Variants in SFSWAP observed in about 807,000 individuals in gnomAD.
The protein encoded by SFSWAP is splicing factor, suppressor of white-apricot homolog.
In SFSWAP, 17 loss-of-function variants were observed where a neutral mutation model predicts 100.7. The ratio of observed to expected loss-of-function variants is 0.17; its 90% CI spans 0.12 to 0.25. The LOEUF is 0.25. Ranked by LOEUF, SFSWAP falls within the 10% of genes least tolerant of loss-of-function variation. The pLI is 1.00. For missense variants in SFSWAP, 1,005 were observed against 1,262.6 expected (o/e 0.80, Z 3.09); for synonymous variants, 504 against 510.1 (o/e 0.99, Z 0.16).
chr12:131,781,775 G>A (rs1884525939), intron 14 of SFSWAP, among the ~76,000 whole-genome samples: 1 of 152,178 alleles, frequency 6.6e-6, no homozygotes, highest in South Asian at 2.1e-4. Flanking sequence ...CAAGGAGGTA[G>A]TATCTACATA....
chr12:131,715,881 AAAG>A (rs1877865536), intron 3 of SFSWAP, among the ~76,000 whole-genome samples: 1 of 152,226 alleles, frequency 6.6e-6, no homozygotes, highest in South Asian at 2.1e-4. Context: ...TAATTTAAAA[AAAG>A]AGATGGGGTC....
chr12:131,760,060 AACC>A (rs1882525911), intron 11 of SFSWAP, among the ~76,000 whole-genome samples: 1 of 152,198 alleles, frequency 6.6e-6, no homozygotes, highest in Admixed American at 6.6e-5. Context: ...CATATTTGAC[AACC>A]ATAATTCCAT....
At chr12:131,726,839 G>A in intron 5 of SFSWAP, 101 bp from the exon 6 acceptor site, 2 of 757,112 alleles carry the variant, frequency 2.6e-6, no homozygotes, top group South Asian at 3.1e-5. Context: ...TTTTTCGACA[G>A]ATAACCAAGA....
intron 15 of SFSWAP, among the ~76,000 whole-genome samples, chr12:131,793,879 G>A (rs1487985439): frequency 6.6e-6 from 1 of 152,084 alleles, no homozygotes. Flanking sequence ...CTAGACGGGG[G>A]TCACCCGTCC....
At chr12:131,764,065 G>T (rs1177978727) in intron 11 of SFSWAP, among the ~76,000 whole-genome samples, 2 of 152,224 alleles carry the variant, frequency 1.3e-5, no homozygotes, top group Non-Finnish European at 2.9e-5. Context: ...GGCAGAGGTT[G>T]CAGTGAGCCG....
In SFSWAP at chr12:131,714,693, A is replaced by C. The variant is rs1259139380; in HGVS notation, c.389-129A>C. The C allele has an allele frequency of 1.2e-6, 1 of 806,746 alleles. No individual in the cohort carries two copies. Among genetic ancestry groups the C allele is most frequent in the Non-Finnish European group, 1.9e-6 (1 of 515,142 alleles). The allele number at this position is 806,746 out of a possible 1,614,324, so 50.0% of individuals were successfully genotyped here. On this transcript the variant is annotated intron_variant, in intron 2 of 17. Transcript: ENST00000261674. The surrounding 1 kb of genome is among the most constrained non-coding windows in gnomAD (Gnocchi z 6.0). ...ATATAAAGTGTGAATTTTTAAAACT[A>C]TTTTACCTCAAAAGTAGGTTGAAAA...
At chr12:131,719,652 T>G in intron 4 of SFSWAP, 113 bp downstream of exon 4, 1 of 807,170 alleles carries the variant, frequency 1.2e-6, no homozygotes, top group Non-Finnish European at 2.1e-6. Context: ...TATAATGCTT[T>G]AAAATGGTTT....
chr12:131,723,817 G>A (rs1239466980), intron 4 of SFSWAP, among the ~76,000 whole-genome samples: 1 of 152,242 alleles, frequency 6.6e-6, no homozygotes, highest in Non-Finnish European at 1.5e-5. Context: ...GGAAGGGGAG[G>A]AGGTGTTAGC....
At chr12:131,788,198 G>T (rs1008342481) in intron 15 of SFSWAP, among the ~76,000 whole-genome samples, 1 of 152,344 alleles carries the variant, frequency 6.6e-6, no homozygotes, top group East Asian at 1.9e-4. Flanking sequence ...AGTAGTGATT[G>T]TATCTGGAAG....
Position 131,753,291 on chromosome 12 carries a change from G to T in SFSWAP, c.1250G>T (p.Gly417Val). 1 of 1,612,964 alleles carries T rather than the reference G, an allele frequency of 6.2e-7. No homozygotes were observed. Among genetic ancestry groups the T allele is most frequent in the Non-Finnish European group, 8.5e-7 (1 of 1,179,068 alleles). ...GVTTTAPPPPGTTPLPPPTTA... is the reference protein window; with the variant it reads ...GVTTTAPPPPVTTPLPPPTTA... ...ACGACCACCGCCCCACCACCTCCTG[G>T]GACCACACCACTACCGCCCCCAACC... The change falls in exon 8 of 18, where the codon GGG becomes GTG. Residue 417 changes from glycine to valine, a missense_variant. Coordinates refer to ENST00000261674, the MANE Select transcript of SFSWAP (RefSeq NM_004592.4).
At position 131,756,609 on chromosome 12, in the gene SFSWAP, C is replaced by T. The variant is rs780190296; in HGVS notation, c.1685C>T (p.Ser562Phe). The T allele has an allele frequency of 5.5e-5, 89 of 1,610,432 alleles. No individual in the cohort carries two copies. The highest frequency in any genetic ancestry group is 7.1e-5 in the Non-Finnish European group (84 of 1,178,632). Residue 562 changes from serine to phenylalanine, a missense_variant, in exon 11 of 18, where the codon TCC becomes TTC. Ser to Phe is a radical substitution (Grantham distance 155). This residue lies in a region of SFSWAP where 311 missense variants were observed against 317.8 expected (regional missense o/e 0.98). Transcript: ENST00000261674. ...TCAGGCGGGAAGAAGGAGGCATCGT[C>T]CAGTAAGACCGTCCCGGACGGGAAG... ...AGSGGKKEAS[S>F]SKTVPDGKLV...
At chr12:131,763,203 G>T (rs1309186649) in intron 11 of SFSWAP, among the ~76,000 whole-genome samples, 3 of 152,110 alleles carry the variant, frequency 2.0e-5, no homozygotes, top group Non-Finnish European at 4.4e-5. Flanking sequence ...AAGGACCTCC[G>T]CCAGGGGCCA....
chr12:131,711,563 G>A lies in SFSWAP; in HGVS notation c.218+116G>A. ...TTTTCTGGAGCCAGCGGGGATCTGG[G>A]GGACACCCCCTCCCCTGTCCCCACC... On this transcript the variant is annotated intron_variant, in intron 1 of 17. Transcript: ENST00000261674. The surrounding 1 kb of genome is among the most constrained non-coding windows in gnomAD (Gnocchi z 4.9). The A allele has an allele frequency of 2.3e-6, 2 of 855,660 alleles. No homozygotes were observed. Among genetic ancestry groups the A allele is most frequent in the Non-Finnish European group, 3.7e-6 (2 of 543,350 alleles). 53.0% of individuals were successfully genotyped at this position (855,660 alleles called of 1,614,324 possible).
chr12:131,783,822 A>ATATATATATATAT (rs1491403303), intron 14 of SFSWAP: 89 of 125,152 alleles, frequency 7.1e-4, no homozygotes, highest in Admixed American at 1.2e-3. Flanking sequence ...ATATATATAT[A>ATATATATATATAT]ATTCTTTGTA....
At chr12:131,739,834 C>G in intron 7 of SFSWAP, among the ~76,000 whole-genome samples, 1 of 152,096 alleles carries the variant, frequency 6.6e-6, no homozygotes, top group East Asian at 1.9e-4. Flanking sequence ...TGAGCCACTG[C>G]GCCCAGCCCC....
rs776896700 is a variant in SFSWAP, at chr12:131,714,275, C to T, written c.388+35C>T. On this transcript the variant is annotated intron_variant, in intron 2 of 17. Transcript: ENST00000261674. This position sits in a 1 kb window ranked among gnomAD's most constrained non-coding sequence, Gnocchi z 6.0. ...AAGACAAACTTACTTCAGCAACAAA[C>T]TTTTTAAAATTTTTAAGTATTTAAA... is the stretch of plus-strand genomic sequence containing the variant. The T allele has an allele frequency of 2.6e-6, 4 of 1,540,676 alleles. No homozygotes were observed. The highest frequency in any genetic ancestry group is 3.5e-6 in the Non-Finnish European group (4 of 1,141,746).
intron 3 of SFSWAP, among the ~76,000 whole-genome samples, chr12:131,716,443 G>C (rs921437072): frequency 5.9e-5 from 9 of 152,168 alleles, no homozygotes; most frequent in African/African-American, 2.2e-4. Context: ...TCGGGTTCTG[G>C]ATAGTTCTGA....
intron 7 of SFSWAP, 152 bp downstream of exon 7, chr12:131,728,580 C>A: frequency 1.3e-6 from 1 of 789,450 alleles, no homozygotes; most frequent in Non-Finnish European, 2.0e-6. Context: ...AGGGAGAGTG[C>A]CACGAGGCTG....
rs969898611 is a variant in SFSWAP at position 131,756,730 on chromosome 12, C to T, written c.1720+86C>T. Reference sequence around the variant, plus strand: ...CCTCGGTGACCTCAGACTCAGCGCCCTCACCTGCAGGCTGGGGTGGGGTTG... The same window carrying T: ...CCTCGGTGACCTCAGACTCAGCGCCTTCACCTGCAGGCTGGGGTGGGGTTG... On this transcript the variant is annotated intron_variant, in intron 11 of 17. Transcript: ENST00000261674. The T allele has an allele frequency of 2.4e-6, 3 of 1,248,522 alleles. No individual in the cohort carries two copies. In the African/African-American group the frequency reaches 4.6e-5, roughly 19 times the overall value. 77.3% of individuals were successfully genotyped at this position (1,248,522 alleles called of 1,614,324 possible). A position where few individuals can be genotyped will look rare whatever the true frequency, so the allele number is the denominator to read the frequency against.
Sources: gnomAD v4.1 joint callset for allele counts (sites outside exome capture counted in the v4.1 genomes callset) on GRCh38, gnomAD v4.1.1 for gene constraint, gnomAD v4.1.1 regional missense constraint, Gnocchi (gnomAD v3.1) non-coding constraint, MANE v1.5 for transcripts, NCBI Gene and HGNC (gene_info 2026-07-23, HGNC 2026-07-21) for gene names.